The following SWAP70 variants were observed in gnomAD, a reference collection of about 807,000 sequenced individuals.
SWAP70 encodes switch-associated protein 70.
SWAP70 carries 34 observed loss-of-function variants against 80.2 expected under a neutral mutation model. The observed-to-expected ratio is 0.42, with a 90% confidence interval of 0.32 to 0.56. SWAP70 has a LOEUF of 0.56. Ranked by LOEUF, SWAP70 falls within the 20% of genes least tolerant of loss-of-function variation. SWAP70 has a pLI of 0.09. For missense variants in SWAP70, 578 were observed against 690.7 expected, an observed-to-expected ratio of 0.84 and a Z score of 1.83; for synonymous variants, 239 against 238.5, an observed-to-expected ratio of 1.00 and a Z score of -0.02.
chr11:9,667,118 G>A (rs887869244), intron 1 of SWAP70, among the ~76,000 whole-genome samples: 1 of 151,994 alleles, frequency 6.6e-6, no homozygotes, highest in Non-Finnish European at 1.5e-5. Context: ...AACCAACTTG[G>A]CCTCCAGAAG....
chr11:9,743,100 C>T (rs1323167361), intron 9 of SWAP70, among the ~76,000 whole-genome samples: 5 of 136,274 alleles, frequency 3.7e-5, no homozygotes, highest in Non-Finnish European at 7.7e-5. Flanking sequence ...CTTCCTGTGT[C>T]CAAGTGTTCT....
intron 1 of SWAP70, among the ~76,000 whole-genome samples, chr11:9,664,619 G>A (rs972400716): frequency 6.6e-6 from 1 of 152,202 alleles, no homozygotes; most frequent in African/African-American, 2.4e-5. Flanking sequence ...ATTCTGAGGC[G>A]GCAATGGGAA....
intron 3 of SWAP70, among the ~76,000 whole-genome samples, chr11:9,718,676 G>GTTATC (rs10625628): frequency 0.33 from 49,338 of 151,710 alleles, 8,206 homozygotes; most frequent in Non-Finnish European, 0.35. Flanking sequence ...GGTTTAACTT[G>GTTATC]TTATCAGTAG....
intron 6 of SWAP70, among the ~76,000 whole-genome samples, chr11:9,732,243 TA>T (rs113324838): frequency 0.014 from 2,131 of 152,316 alleles, 57 homozygotes; most frequent in African/African-American, 0.049. Context: ...CAGATACAGT[TA>T]ACAGAATTTT....
chr11:9,713,515 T>C lies in SWAP70; in HGVS notation c.290T>C (p.Leu97Pro). Residue 97 changes from leucine to proline, a missense_variant, in exon 3 of 12, where the codon CTC becomes CCC. Coordinates refer to ENST00000318950, the MANE Select transcript of SWAP70 (RefSeq NM_015055.4). ...KIEFNRMCWTLCVKKNLTKNP... is the reference protein window; with the variant it reads ...KIEFNRMCWTPCVKKNLTKNP... The stretch of plus-strand genomic sequence containing the variant: ...GAATTCAATAGGATGTGTTGGACCC[T>C]CTGTGTCAAAAAAAACCTCACAAAG... The C allele has an allele frequency of 6.2e-7, 1 of 1,614,016 alleles. No homozygotes were observed. Among genetic ancestry groups the C allele is most frequent in the Non-Finnish European group, 8.5e-7 (1 of 1,179,948 alleles).
intron 1 of SWAP70, among the ~76,000 whole-genome samples, chr11:9,666,097 T>A (rs1373815139): frequency 6.6e-6 from 1 of 151,510 alleles, no homozygotes; most frequent in Non-Finnish European, 1.5e-5. Flanking sequence ...TTGTTTTTTT[T>A]TTTTCTGAGA....
At chr11:9,749,656 C>A (rs1346121277) in intron 11 of SWAP70, among the ~76,000 whole-genome samples, 1 of 152,198 alleles carries the variant, frequency 6.6e-6, no homozygotes, top group Non-Finnish European at 1.5e-5. Flanking sequence ...GGATAAATTT[C>A]TCTTGAAAAT....
chr11:9,707,554 TTTC>T (rs201073790), intron 2 of SWAP70, among the ~76,000 whole-genome samples: 27,588 of 137,606 alleles, frequency 0.2, 3,051 homozygotes, highest in Non-Finnish European at 0.29. Flanking sequence ...TTCTTTTTCT[TTTC>T]TTTTTTTTTT....
Position 9,692,170 on chromosome 11 carries a change from A to G in SWAP70, c.100-1976A>G, listed in dbSNP as rs532834722. 5.9e-5 allele frequency among the ~76,000 whole-genome samples: 9 copies of G among 151,360 alleles called. No homozygotes were observed. In the East Asian group the frequency reaches 1.5e-3, roughly 26 times the overall value. ...TAATGTAGAAGAAAAAGTATAGGCT[A>G]TGAAGATAAATAGATTGATCTATGT... On this transcript the variant is annotated intron_variant, in intron 1 of 11. Coordinates refer to ENST00000318950, the MANE Select transcript of SWAP70 (RefSeq NM_015055.4).
chr11:9,717,466 T>A (rs940386315), intron 3 of SWAP70, among the ~76,000 whole-genome samples: 1 of 152,030 alleles, frequency 6.6e-6, no homozygotes, highest in African/African-American at 2.4e-5. Flanking sequence ...AAACCCTGTG[T>A]CTACAAAAAA....
At chr11:9,669,395 A>G (rs1054312627) in intron 1 of SWAP70, among the ~76,000 whole-genome samples, 1 of 152,036 alleles carries the variant, frequency 6.6e-6, no homozygotes, top group African/African-American at 2.4e-5. Context: ...ATGTCTCGCT[A>G]ATTTTTGTAT....
chr11:9,732,891 C>G (rs1485571695), intron 7 of SWAP70, among the ~76,000 whole-genome samples, 181 bp downstream of exon 7: 1 of 152,130 alleles, frequency 6.6e-6, no homozygotes. Flanking sequence ...TTTTCCTAGC[C>G]CTGAAACTAT....
In SWAP70 at chr11:9,749,131, C is replaced by G. The variant is rs140598962; in HGVS notation, c.1599C>G (p.Ser533Arg). The stretch of plus-strand genomic sequence containing the variant: ...AGATGGCAACTAATAAGACCAAGAG[C>G]TGGAAGGACAAAGTGGCCCATCATG... ...KLEMATNKTK[S>R]WKDKVAHHEG... Residue 533 changes from serine to arginine, a missense_variant, in exon 11 of 12, where the codon AGC becomes AGG. Ser to Arg is a moderately radical substitution (Grantham distance 110, BLOSUM62 -1). Transcript: ENST00000318950. The G allele has an allele frequency of 3.1e-6, 5 of 1,613,002 alleles. No homozygotes were observed. The highest frequency in any genetic ancestry group is 4.2e-6 in the Non-Finnish European group (5 of 1,179,426).
chr11:9,665,197 C>A (rs1303464895), intron 1 of SWAP70, among the ~76,000 whole-genome samples: 4 of 152,146 alleles, frequency 2.6e-5, no homozygotes, highest in Non-Finnish European at 5.9e-5. Flanking sequence ...TTCTTAGCCC[C>A]TTCTGGGAAT....
At position 9,675,373 on chromosome 11, in the gene SWAP70, GAGA is replaced by G. The variant is rs1565111716; in HGVS notation, c.99+11096_99+11098del. On this transcript the variant is annotated intron_variant, in intron 1 of 11. Transcript: ENST00000318950. ...AGAGAGAGAGAGAGAGAGAGAGAGAGAGAGAGAGAGAGAGAGAGAGAGAGAGAG... is the reference window on the plus strand; with the variant it reads ...AGAGAGAGAGAGAGAGAGAGAGAGAGGAGAGAGAGAGAGAGAGAGAGAGAG... 1.8e-3 allele frequency among the ~76,000 whole-genome samples: 103 copies of G among 56,588 alleles called. 8 individuals are homozygous for G. The highest frequency in any genetic ancestry group is 2.7e-3 in the Non-Finnish European group (64 of 23,396). 37.1% of individuals were successfully genotyped at this position (56,588 alleles called of 152,430 possible).
At chr11:9,709,613 G>T (rs1017232596) in intron 2 of SWAP70, among the ~76,000 whole-genome samples, 12 of 151,958 alleles carry the variant, frequency 7.9e-5, no homozygotes, top group Non-Finnish European at 1.8e-4. Context: ...TCAGCCTCCC[G>T]GGCAGCTAGG....
intron 1 of SWAP70, among the ~76,000 whole-genome samples, chr11:9,679,970 G>A (rs1005853603): frequency 2.0e-5 from 3 of 152,124 alleles, no homozygotes; most frequent in Non-Finnish European, 4.4e-5. Context: ...CACGCGGCCT[G>A]CTTTTTATAT....
At chr11:9,683,788 A>T (rs1373688754) in intron 1 of SWAP70, among the ~76,000 whole-genome samples, 1 of 152,216 alleles carries the variant, frequency 6.6e-6, no homozygotes, top group Admixed American at 6.5e-5. Flanking sequence ...GCTGGAGGCT[A>T]TCAGCTTAAC....
intron 1 of SWAP70, among the ~76,000 whole-genome samples, chr11:9,676,178 A>G (rs1167859644): frequency 6.6e-6 from 1 of 152,188 alleles, no homozygotes; most frequent in African/African-American, 2.4e-5. Flanking sequence ...TTAAGACTGT[A>G]TTATCTGTTT....
Sources: allele counts gnomAD v4.1 joint callset (sites outside exome capture counted in the v4.1 genomes callset), GRCh38; gene constraint gnomAD v4.1.1; transcripts MANE v1.5; gene names NCBI Gene and HGNC (gene_info 2026-07-23, HGNC 2026-07-21).